The following FAM234B variants were observed in gnomAD, a reference collection of about 807,000 sequenced individuals.
FAM234B encodes family with sequence similarity 234 member B, also known as protein FAM234B.
In FAM234B, 33 loss-of-function variants were observed where a neutral mutation model predicts 69.3. That is an observed-to-expected ratio of 0.48 (90% CI 0.36 to 0.64). FAM234B has a LOEUF of 0.64. Ranked by LOEUF, FAM234B falls within the 30% of genes least tolerant of loss-of-function variation. The pLI is 0.00. For missense variants in FAM234B, 697 were observed against 769.7 expected (o/e 0.91, Z 1.12); for synonymous variants, 306 against 306.9 (o/e 1.00, Z 0.03).
At chr12:13,063,417 G>A (rs938672480) in intron 5 of FAM234B, among the ~76,000 whole-genome samples, 5 of 152,158 alleles carry the variant, frequency 3.3e-5, no homozygotes, top group African/African-American at 4.8e-5. Context: ...TAGTTTTACT[G>A]TATTATATAT....
chr12:13,071,155 A>G, intron 9 of FAM234B, 86 bp from the exon 10 acceptor site: 1 of 1,380,356 alleles, frequency 7.2e-7, no homozygotes, highest in Non-Finnish European at 1.0e-6. Flanking sequence ...TTATTTGAAT[A>G]CCTGTGCATT....
In FAM234B at chr12:13,044,459, G is replaced by A; in HGVS notation, c.37+19G>A. The A allele has an allele frequency of 6.4e-7, 1 of 1,550,604 alleles. No individual in the cohort carries two copies. Among genetic ancestry groups the A allele is most frequent in the Non-Finnish European group, 8.7e-7 (1 of 1,146,540 alleles). Reference sequence around the variant, plus strand: ...CTGCCGGGTAAGGAGTCGCATGCTTGCGACCACCCAGTCCCCGCCGGTGTT... The same window carrying A: ...CTGCCGGGTAAGGAGTCGCATGCTTACGACCACCCAGTCCCCGCCGGTGTT... On this transcript the variant is annotated intron_variant, in intron 1 of 12. Transcript: ENST00000197268. The surrounding 1 kb of genome is among the most constrained non-coding windows in gnomAD (Gnocchi z 5.6).
intron 6 of FAM234B, 56 bp downstream of exon 6, chr12:13,066,843 CT>C: frequency 1.9e-6 from 3 of 1,565,126 alleles, no homozygotes; most frequent in East Asian, 2.2e-5. Context: ...GTGATGAGGC[CT>C]TCCTTGTGAG....
intron 2 of FAM234B, among the ~76,000 whole-genome samples, chr12:13,057,276 C>A (rs1239696605): frequency 6.6e-6 from 1 of 152,128 alleles, no homozygotes; most frequent in Non-Finnish European, 1.5e-5. Flanking sequence ...CTGCACCCAG[C>A]CTGTGACCTG....
At chr12:13,078,893 T>C (rs533017443) in intron 11 of FAM234B, among the ~76,000 whole-genome samples, 1 of 151,374 alleles carries the variant, frequency 6.6e-6, no homozygotes, top group African/African-American at 2.4e-5. Flanking sequence ...TAAAAGAGGA[T>C]ACAAACAAAT....
intron 4 of FAM234B, 79 bp from the exon 5 acceptor site, chr12:13,062,766 T>A: frequency 6.6e-7 from 1 of 1,510,640 alleles, no homozygotes; most frequent in South Asian, 1.2e-5. Flanking sequence ...GTCTTTCTTT[T>A]CTGGCCTGGG....
At chr12:13,062,491 G>A in intron 4 of FAM234B, 1 of 165,286 alleles carries the variant, frequency 6.1e-6, no homozygotes, top group Non-Finnish European at 1.3e-5. Flanking sequence ...GAGTGGTCTG[G>A]TCGGCTGCCC....
intron 1 of FAM234B, among the ~76,000 whole-genome samples, chr12:13,051,098 C>T (rs1203190473): frequency 6.6e-6 from 1 of 152,172 alleles, no homozygotes; most frequent in South Asian, 2.1e-4. Context: ...GACAGTGTGA[C>T]AGAAATGCCC....
At chr12:13,073,370 T>C (rs1335745968) in intron 10 of FAM234B, among the ~76,000 whole-genome samples, 6 of 152,174 alleles carry the variant, frequency 3.9e-5, no homozygotes, top group Admixed American at 3.9e-4. Flanking sequence ...AGACTGACAC[T>C]CAGGCCTTGG....
At chr12:13,079,756 A>C in intron 11 of FAM234B, 33 bp from the exon 12 acceptor site, 1 of 1,389,656 alleles carries the variant, frequency 7.2e-7, no homozygotes, top group Non-Finnish European at 1.0e-6. Context: ...GTATGTGTCC[A>C]TGTTAACTGC....
At chr12:13,078,420 A>G (rs1591603952) in intron 11 of FAM234B, among the ~76,000 whole-genome samples, 1 of 152,172 alleles carries the variant, frequency 6.6e-6, no homozygotes. Context: ...GTTTAAGTCC[A>G]CAGCCAATAT....
chr12:13,078,683 C>T (rs967498053), intron 11 of FAM234B, among the ~76,000 whole-genome samples: 19 of 152,304 alleles, frequency 1.2e-4, no homozygotes, highest in African/African-American at 4.6e-4. Context: ...TAAGCAACTT[C>T]AGCAAAGTCT....
chr12:13,047,351 G>T (rs888452147), intron 1 of FAM234B, among the ~76,000 whole-genome samples: 1 of 152,104 alleles, frequency 6.6e-6, no homozygotes, highest in East Asian at 1.9e-4. Flanking sequence ...GATTTTTTAT[G>T]ATTTATTTTG....
In FAM234B at chr12:13,079,965, C is replaced by T. The variant is rs753921297; in HGVS notation, c.1819C>T (p.Arg607Ter). 5.0e-6 allele frequency: 8 copies of T among 1,611,866 alleles called. No individual in the cohort carries two copies. Among genetic ancestry groups the T allele is most frequent in the East Asian group, 2.2e-5 (1 of 44,828 alleles). Residue 607 changes from arginine (R) to a stop codon, truncating the protein, a stop_gained, in exon 12 of 13, where the codon CGA (arginine) becomes TGA (stop). Transcript: ENST00000197268. LOFTEE classifies it high-confidence loss of function. ...CCCCAAAATTGGCCGTGGGGAGCTG[C>T]GAAGATTTCTCTCTAGGATAAAGTT... ...STPKIGRGEL[R>*]RFLSRIKFVE... is the part of the protein sequence containing the mutation.
At chr12:13,048,453 A>G (rs1864835336) in intron 1 of FAM234B, among the ~76,000 whole-genome samples, 1 of 147,570 alleles carries the variant, frequency 6.8e-6, no homozygotes, top group South Asian at 2.2e-4. Context: ...TTAGGTCTTT[A>G]TTGTAGGAAG....
chr12:13,059,228 G>T (rs1012166826), intron 3 of FAM234B, among the ~76,000 whole-genome samples: 20 of 152,182 alleles, frequency 1.3e-4, no homozygotes, highest in African/African-American at 4.6e-4. Context: ...CTTGACCCTG[G>T]GTCACAGCTC....
intron 11 of FAM234B, among the ~76,000 whole-genome samples, chr12:13,077,663 G>T (rs1379391466): frequency 6.6e-6 from 1 of 151,054 alleles, no homozygotes; most frequent in African/African-American, 2.4e-5. Context: ...TCTTAATCCA[G>T]TCTATCATTG....
intron 5 of FAM234B, among the ~76,000 whole-genome samples, chr12:13,065,813 A>G (rs1447846815): frequency 6.6e-6 from 1 of 152,202 alleles, no homozygotes; most frequent in Non-Finnish European, 1.5e-5. Context: ...TCCCATAAGT[A>G]CCTTTTCCTG....
chr12:13,055,172 G>A (rs1162546560), intron 1 of FAM234B, among the ~76,000 whole-genome samples: 1 of 152,178 alleles, frequency 6.6e-6, no homozygotes, highest in African/African-American at 2.4e-5. Context: ...AAGATCTGAG[G>A]CAATATGCAC....
Sources: gnomAD v4.1 joint callset for allele counts (sites outside exome capture counted in the v4.1 genomes callset) on GRCh38, gnomAD v4.1.1 for gene constraint, Gnocchi (gnomAD v3.1) non-coding constraint, MANE v1.5 for transcripts, NCBI Gene and HGNC (gene_info 2026-07-23, HGNC 2026-07-21) for gene names.